Variants in CACNA2D1 observed in about 807,000 individuals in gnomAD.
CACNA2D1 encodes the protein calcium voltage-gated channel auxiliary subunit alpha2delta 1.
In CACNA2D1, 53 loss-of-function variants were observed where a neutral mutation model predicts 171.5. The ratio of observed to expected loss-of-function variants is 0.31; its 90% CI spans 0.25 to 0.39. The LOEUF is 0.39. CACNA2D1 is among the 10% of genes least tolerant of loss of function. The pLI, the probability that CACNA2D1 is intolerant of heterozygous loss-of-function variation, is 1.00. For missense variants in CACNA2D1, 903 were observed against 1,299.8 expected, an observed-to-expected ratio of 0.69 and a Z score of 4.69; for synonymous variants, 442 against 443.1, an observed-to-expected ratio of 1.00 and a Z score of 0.03.
At chr7:82,190,658 T>C (rs1394980819) in intron 3 of CACNA2D1, among the ~76,000 whole-genome samples, 1 of 151,748 alleles carries the variant, frequency 6.6e-6, no homozygotes, top group Non-Finnish European at 1.5e-5. Context: ...TGATAGAGCT[T>C]TGGGCCATTT....
At chr7:82,079,078 C>A (rs1563012101) in intron 7 of CACNA2D1, among the ~76,000 whole-genome samples, 1 of 152,168 alleles carries the variant, frequency 6.6e-6, no homozygotes, top group Non-Finnish European at 1.5e-5. Flanking sequence ...TGAGTCAGCA[C>A]TGCATAGGTA....
chr7:82,308,517 C>G (rs919655117), intron 3 of CACNA2D1, among the ~76,000 whole-genome samples: 3 of 152,088 alleles, frequency 2.0e-5, no homozygotes, highest in African/African-American at 7.2e-5. Context: ...GAAACAGAAA[C>G]TTAAAAAGCC....
chr7:82,000,905 A>C (rs532946831), intron 18 of CACNA2D1, among the ~76,000 whole-genome samples: 2 of 142,762 alleles, frequency 1.4e-5, no homozygotes, highest in South Asian at 4.5e-4. Context: ...TTGGGATTAT[A>C]GGCATGAGCC....
chr7:81,957,930 T>C (rs1265598966), intron 38 of CACNA2D1, among the ~76,000 whole-genome samples: 2 of 152,076 alleles, frequency 1.3e-5, no homozygotes, highest in Non-Finnish European at 1.5e-5. Context: ...ATTTCTAGTG[T>C]CAAAAAACTG....
chr7:82,084,997 G>T, intron 6 of CACNA2D1, 97 bp from the exon 7 acceptor site: 1 of 1,063,384 alleles, frequency 9.4e-7, no homozygotes, highest in Non-Finnish European at 1.4e-6. Context: ...TATGTTCATT[G>T]TTCTACCTAT....
In CACNA2D1 at chr7:81,965,613, T is replaced by A; in HGVS notation, c.2555A>T (p.His852Leu). 3.2e-6 allele frequency: 5 copies of A among 1,582,820 alleles called. No individual in the cohort carries two copies. The highest frequency in any genetic ancestry group is 4.3e-6 in the Non-Finnish European group (5 of 1,152,214). Residue 852 changes from histidine to leucine, a missense_variant, in exon 32 of 39, where the codon CAT becomes CTT. Around this residue, in one of 5 missense-constraint regions of CACNA2D1, gnomAD observed 623 missense variants for 925.5 expected, o/e 0.67. Coordinates refer to ENST00000356860, the MANE Select transcript of CACNA2D1 (RefSeq NM_000722.4). Reference protein sequence around the residue: ...DDGGFLLMANHDDYTNQIGRF... With the variant: ...DDGGFLLMANLDDYTNQIGRF... ...ACATACCTGATTAGTATAATCATCA[T>A]GATTTGCCATCAGAAGAAACCCACC...
intron 12 of CACNA2D1, among the ~76,000 whole-genome samples, chr7:82,030,231 T>C (rs1176690604): frequency 6.6e-6 from 1 of 151,776 alleles, no homozygotes; most frequent in Non-Finnish European, 1.5e-5. Flanking sequence ...TTTAAACCCA[T>C]AAATTCTTCA....
chr7:82,387,708 G>A (rs1824571241), intron 1 of CACNA2D1, among the ~76,000 whole-genome samples: 1 of 152,152 alleles, frequency 6.6e-6, no homozygotes, highest in South Asian at 2.1e-4. Context: ...CTAAATGCAA[G>A]TAAAAGTGGC....
chr7:82,155,991 C>T (rs1794338439), intron 4 of CACNA2D1, among the ~76,000 whole-genome samples: 1 of 152,066 alleles, frequency 6.6e-6, no homozygotes, highest in Admixed American at 6.6e-5. Context: ...TACCCTCTCA[C>T]CTAATTCTTG....
intron 3 of CACNA2D1, among the ~76,000 whole-genome samples, chr7:82,185,484 A>AGGG (rs1797589102): frequency 1.6e-4 from 4 of 24,522 alleles, no homozygotes; most frequent in East Asian, 2.6e-3. Flanking sequence ...GGGGAGGGGG[A>AGGG]GGAGGAGGGG....
intron 1 of CACNA2D1, among the ~76,000 whole-genome samples, chr7:82,409,659 A>C (rs564186846): frequency 1.7e-4 from 26 of 152,338 alleles, no homozygotes; most frequent in African/African-American, 6.0e-4. Context: ...GTATAAAGCC[A>C]CTGTACCTCT....
chr7:82,344,270 C>A (rs1819004144), intron 2 of CACNA2D1, among the ~76,000 whole-genome samples: 1 of 151,924 alleles, frequency 6.6e-6, no homozygotes, highest in Admixed American at 6.6e-5. Context: ...ATTTCCATAC[C>A]ATCCCATGCC....
chr7:82,099,877 T>G (rs551370709), intron 6 of CACNA2D1, among the ~76,000 whole-genome samples: 1 of 152,162 alleles, frequency 6.6e-6, no homozygotes, highest in African/African-American at 2.4e-5. Flanking sequence ...TTTACATCAT[T>G]TAAAAAGTAG....
At chr7:82,077,512 T>A (rs1042139359) in intron 7 of CACNA2D1, among the ~76,000 whole-genome samples, 1 of 152,152 alleles carries the variant, frequency 6.6e-6, no homozygotes, top group Non-Finnish European at 1.5e-5. Context: ...TTGTGTAGTT[T>A]CCCTACCTGC....
At chr7:82,101,496 A>G (rs1812678083) in intron 6 of CACNA2D1, among the ~76,000 whole-genome samples, 1 of 152,214 alleles carries the variant, frequency 6.6e-6, no homozygotes, top group Non-Finnish European at 1.5e-5. Context: ...TAAAATTTCC[A>G]ATATATTTTA....
At chr7:81,999,185 AAG>A (rs1289900165) in intron 18 of CACNA2D1, among the ~76,000 whole-genome samples, 1 of 152,226 alleles carries the variant, frequency 6.6e-6, no homozygotes, top group Non-Finnish European at 1.5e-5. Flanking sequence ...CCAGCATACA[AAG>A]ACACAGAGAA....
At chr7:82,370,542 A>AATGGAGGGATGG (rs1822271417) in intron 1 of CACNA2D1, among the ~76,000 whole-genome samples, 1 of 93,854 alleles carries the variant, frequency 1.1e-5, no homozygotes, top group African/African-American at 3.4e-5. Flanking sequence ...GAGATAGGTA[A>AATGGAGGGATGG]ATGGAGGGAT....
intron 4 of CACNA2D1, among the ~76,000 whole-genome samples, chr7:82,153,401 G>A (rs1269906736): frequency 6.6e-6 from 1 of 151,808 alleles, no homozygotes; most frequent in Non-Finnish European, 1.5e-5. Context: ...ATATTTTTTA[G>A]ATCTTATTTC....
rs377612760 is a variant in CACNA2D1, at chr7:82,295,805, A to T, written c.294+39330T>A. Among the ~76,000 whole-genome samples, 728 of 152,128 alleles carry T rather than the reference A, an allele frequency of 4.8e-3. 8 individuals carry two copies. The highest frequency in any genetic ancestry group is 0.041 in the South Asian group (197 of 4,816). On this transcript the variant is annotated intron_variant, in intron 3 of 38. Transcript: ENST00000356860. ...AATCATGCTGCTATAAAGACACATG[A>T]ACACGTATGTTTATTGCGGCACTAT...
Sources: allele counts gnomAD v4.1 joint callset (sites outside exome capture counted in the v4.1 genomes callset), GRCh38; gene constraint gnomAD v4.1.1; regional missense constraint gnomAD v4.1.1; transcripts MANE v1.5; gene names NCBI Gene and HGNC (gene_info 2026-07-23, HGNC 2026-07-21).